RAD51B: variants seen among roughly 807,000 people sequenced by gnomAD.
The protein encoded by RAD51B is RAD51 paralog B, also known as DNA repair protein RAD51 homolog 2.
In RAD51B, 38 loss-of-function variants were observed where a neutral mutation model predicts 42.2. The ratio of observed to expected loss-of-function variants is 0.90; its 90% CI spans 0.70 to 1.18. The LOEUF (loss-of-function observed/expected upper bound fraction) is 1.18, where lower values mean the gene tolerates loss of function less well. Ranked by LOEUF, RAD51B falls within the 50% of genes most tolerant of loss-of-function variation. The pLI, the probability that RAD51B is intolerant of heterozygous loss-of-function variation, is 0.00. For synonymous variants in RAD51B, 154 were observed against 145.2 expected, an observed-to-expected ratio of 1.06 and a Z score of -0.43; for missense variants, 373 against 400.7, an observed-to-expected ratio of 0.93 and a Z score of 0.59.
intron 5 of RAD51B, among the ~76,000 whole-genome samples, chr14:67,872,101 G>A (rs921544223): frequency 6.6e-6 from 1 of 150,918 alleles, no homozygotes; most frequent in Non-Finnish European, 1.5e-5. Flanking sequence ...AATTAGGCAG[G>A]AGAAGGAAAT....
chr14:68,420,868 A>G (rs1438620313), intron 9 of RAD51B, among the ~76,000 whole-genome samples: 2 of 152,224 alleles, frequency 1.3e-5, no homozygotes, highest in African/African-American at 4.8e-5. Flanking sequence ...CTCTGGTTCA[A>G]ATGCCTCTGA....
chr14:68,537,221 A>G (rs972338495), intron 10 of RAD51B, among the ~76,000 whole-genome samples: 6 of 152,052 alleles, frequency 3.9e-5, no homozygotes, highest in Non-Finnish European at 7.4e-5. Flanking sequence ...AACCATGGCC[A>G]GTCGCAGTGG....
chr14:68,550,406 C>T (rs185214114), intron 10 of RAD51B, among the ~76,000 whole-genome samples: 3 of 152,264 alleles, frequency 2.0e-5, no homozygotes, highest in African/African-American at 4.8e-5. Flanking sequence ...GGACCAAATC[C>T]GGTTATGGTC....
intron 8 of RAD51B, among the ~76,000 whole-genome samples, chr14:68,398,625 G>A (rs2083996115): frequency 6.6e-6 from 1 of 152,032 alleles, no homozygotes; most frequent in South Asian, 2.1e-4. Context: ...ACAGCTCCAA[G>A]CAGATGAATT....
intron 7 of RAD51B, among the ~76,000 whole-genome samples, chr14:68,101,933 A>G (rs1387741805): frequency 6.6e-6 from 1 of 152,200 alleles, no homozygotes; most frequent in South Asian, 2.1e-4. Context: ...AAGTGTTTCC[A>G]TACATCCTCT....
exon 11 of RAD51B, chr14:68,611,245 T>C (rs759451280): frequency 1.4e-6 from 1 of 702,850 alleles, no homozygotes; most frequent in South Asian, 1.5e-5. Context: ...GCATCCAGTG[T>C]AACCCAGCCT....
rs1260053060 is a variant in RAD51B at position 68,072,062 on chromosome 14, TTTATATAA to T, written c.756+184859_756+184866del. Reference sequence around the variant, plus strand: ...TTATATATATATATAATTATATATATTTATATAAATATATAAATATATATAAATATATA... The same window carrying T: ...TTATATATATATATAATTATATATATATATATAAATATATATAAATATATA... On this transcript the variant is annotated intron_variant, in intron 7 of 10. Coordinates refer to ENST00000471583, the MANE Select transcript of RAD51B (RefSeq NM_133510.4). 1.4e-3 allele frequency among the ~76,000 whole-genome samples: 154 copies of T among 109,150 alleles called. 4 individuals carry two copies. The highest frequency in any genetic ancestry group is 3.3e-3 in the African/African-American group (69 of 20,926). The allele number at this position is 109,150 out of a possible 152,430, so 71.6% of individuals were successfully genotyped here.
At chr14:68,029,127 G>T (rs375316278) in intron 7 of RAD51B, among the ~76,000 whole-genome samples, 4 of 152,176 alleles carry the variant, frequency 2.6e-5, no homozygotes, top group African/African-American at 4.8e-5. Context: ...CTCACACAGG[G>T]TTCCCAGCTT....
intron 10 of RAD51B, among the ~76,000 whole-genome samples, chr14:68,526,472 A>G (rs938560628): frequency 6.6e-6 from 1 of 152,240 alleles, no homozygotes; most frequent in Non-Finnish European, 1.5e-5. Context: ...ATTGAGATGA[A>G]TTACCGTTGC....
intron 8 of RAD51B, among the ~76,000 whole-genome samples, chr14:68,325,701 T>C (rs1223755962): frequency 6.6e-6 from 1 of 152,052 alleles, no homozygotes; most frequent in African/African-American, 2.4e-5. Flanking sequence ...TCCCAAACCT[T>C]TCCAGGACCC....
At chr14:68,203,198 A>G (rs1210146496) in intron 7 of RAD51B, among the ~76,000 whole-genome samples, 3 of 152,238 alleles carry the variant, frequency 2.0e-5, no homozygotes, top group African/African-American at 7.2e-5. Flanking sequence ...TGTGGCAGCT[A>G]TAACCTTACA....
At chr14:68,090,887 T>A (rs1181348270) in intron 7 of RAD51B, among the ~76,000 whole-genome samples, 2 of 121,368 alleles carry the variant, frequency 1.6e-5, no homozygotes, top group African/African-American at 6.2e-5. Flanking sequence ...GAGTGTGATG[T>A]TCCCCTTCCT....
At chr14:68,525,211 G>A (rs1334871808) in intron 10 of RAD51B, among the ~76,000 whole-genome samples, 1 of 152,252 alleles carries the variant, frequency 6.6e-6, no homozygotes, top group Non-Finnish European at 1.5e-5. Flanking sequence ...GCCGAGGACT[G>A]AGGGCCACCT....
chr14:68,682,300 C>A (rs1325817019), intron 11 of RAD51B, among the ~76,000 whole-genome samples: 1 of 152,188 alleles, frequency 6.6e-6, no homozygotes, highest in African/African-American at 2.4e-5. Context: ...CTTTTCCCAT[C>A]CATAGGCCAG....
intron 5 of RAD51B, among the ~76,000 whole-genome samples, chr14:67,871,492 G>A (rs1345513335): frequency 5.9e-5 from 9 of 152,218 alleles, no homozygotes; most frequent in Middle Eastern, 3.4e-3. Context: ...ATTCACAGCC[G>A]AATTCTACCA....
chr14:68,058,575 CT>C (rs1268212780), intron 7 of RAD51B, among the ~76,000 whole-genome samples: 1 of 152,126 alleles, frequency 6.6e-6, no homozygotes, highest in Non-Finnish European at 1.5e-5. Flanking sequence ...TTGCACCTCA[CT>C]TTTTTTACTT....
At chr14:67,870,269 AG>A (rs2042478677) in intron 5 of RAD51B, among the ~76,000 whole-genome samples, 1 of 152,208 alleles carries the variant, frequency 6.6e-6, no homozygotes, top group African/African-American at 2.4e-5. Flanking sequence ...AAACAAAAAA[AG>A]GCAGGGGTTG....
intron 7 of RAD51B, among the ~76,000 whole-genome samples, chr14:68,212,975 C>A (rs1188232196): frequency 6.6e-6 from 1 of 152,138 alleles, no homozygotes; most frequent in East Asian, 1.9e-4. Flanking sequence ...GCTGGTTGAA[C>A]AAATGTCCAC....
intron 10 of RAD51B, among the ~76,000 whole-genome samples, chr14:68,602,275 A>G (rs72729543): frequency 2.0e-5 from 3 of 152,052 alleles, no homozygotes; most frequent in Non-Finnish European, 2.9e-5. Flanking sequence ...ACACACAAAC[A>G]TAGACATATG....
Sources: gnomAD v4.1 joint callset for allele counts (sites outside exome capture counted in the v4.1 genomes callset) on GRCh38, gnomAD v4.1.1 for gene constraint, MANE v1.5 for transcripts, NCBI Gene and HGNC (gene_info 2026-07-23, HGNC 2026-07-21) for gene names.